HS2ST1: variants seen among roughly 807,000 people sequenced by gnomAD.
HS2ST1 encodes 2-O-sulfotransferase.
A neutral mutation model predicts 42.9 loss-of-function variants in HS2ST1; 18 were observed. The ratio of observed to expected loss-of-function variants is 0.42; its 90% CI spans 0.29 to 0.62. The LOEUF is 0.62. Among genes scored for constraint, HS2ST1 ranks in the 20% least tolerant of loss-of-function variants. The probability of loss-of-function intolerance (pLI) is 0.21; values close to 1 mark genes in which losing one functional copy is unlikely to be tolerated. For missense variants in HS2ST1, 334 were observed against 433.8 expected, an observed-to-expected ratio of 0.77 and a Z score of 2.04; for synonymous variants, 146 against 152.9, an observed-to-expected ratio of 0.95 and a Z score of 0.33.
intron 1 of HS2ST1, among the ~76,000 whole-genome samples, chr1:87,006,610 G>T (rs1649442971): frequency 6.6e-6 from 1 of 152,088 alleles, no homozygotes; most frequent in African/African-American, 2.4e-5. Flanking sequence ...AATTCTGAAT[G>T]AAATAAATTG....
At chr1:87,001,691 A>G (rs1459089865) in intron 1 of HS2ST1, among the ~76,000 whole-genome samples, 1 of 152,162 alleles carries the variant, frequency 6.6e-6, no homozygotes, top group African/African-American at 2.4e-5. Flanking sequence ...TTGGCTCACC[A>G]CAATCTCCGC....
chr1:87,049,954 G>T (rs908148840), intron 1 of HS2ST1, among the ~76,000 whole-genome samples: 14 of 151,944 alleles, frequency 9.2e-5, no homozygotes, highest in Admixed American at 9.2e-4. Context: ...GTTTAGGATT[G>T]TTATGTCTTT....
At chr1:86,940,966 G>A (rs1660747901) in intron 1 of HS2ST1, among the ~76,000 whole-genome samples, 1 of 152,174 alleles carries the variant, frequency 6.6e-6, no homozygotes, top group South Asian at 2.1e-4. Context: ...CAGCATGGGT[G>A]ACAGAACAAG....
intron 1 of HS2ST1, among the ~76,000 whole-genome samples, chr1:87,023,386 A>G (rs1201650948): frequency 6.6e-6 from 1 of 151,954 alleles, no homozygotes; most frequent in Admixed American, 6.6e-5. Flanking sequence ...GTTCTGGTTC[A>G]TGCATTCTGA....
intron 6 of HS2ST1, 70 bp downstream of exon 6, chr1:87,103,659 T>A: frequency 4.6e-6 from 6 of 1,310,808 alleles, no homozygotes; most frequent in Non-Finnish European, 6.1e-6. Flanking sequence ...CTTGTAAATA[T>A]GTGATTTGAA....
chr1:86,970,668 G>A (rs11161913), intron 1 of HS2ST1, among the ~76,000 whole-genome samples: 149,912 of 152,340 alleles, frequency 0.98, 73,809 homozygotes, highest in Middle Eastern at 1. Context: ...TGCTGGGATT[G>A]CAGGCATGAG....
At chr1:87,057,295 T>G (rs962057301) in intron 1 of HS2ST1, among the ~76,000 whole-genome samples, 1 of 152,164 alleles carries the variant, frequency 6.6e-6, no homozygotes, top group Non-Finnish European at 1.5e-5. Flanking sequence ...AATCTTTAAG[T>G]GTATAAAAGG....
chr1:87,084,135 C>T, intron 2 of HS2ST1, 59 bp from the exon 3 acceptor site: 2 of 1,055,228 alleles, frequency 1.9e-6, no homozygotes, highest in East Asian at 2.6e-5. Context: ...AAATATTTTG[C>T]TATCATCAAA....
At chr1:87,098,884 A>G (rs1010674289) in intron 5 of HS2ST1, among the ~76,000 whole-genome samples, 2 of 152,078 alleles carry the variant, frequency 1.3e-5, no homozygotes, top group Non-Finnish European at 2.9e-5. Flanking sequence ...TGGGTTCACA[A>G]TTCTTCTGTC....
Position 87,107,237 on chromosome 1 carries a change from T to A in HS2ST1, c.*2541T>A, listed in dbSNP as rs1196369384. The A allele has an allele frequency of 1.3e-5, 2 of 152,082 alleles. No homozygotes were observed. The highest frequency in any genetic ancestry group is 4.8e-5 in the African/African-American group (2 of 41,452). The allele number at this position is 152,082 out of a possible 1,614,324, so 9.4% of individuals were successfully genotyped here. ...CCTAACTTATATCCAAAGAATTGCTTTCTGATTCGTGTAGTCTCTCCCACA... is the reference window on the plus strand; with the variant it reads ...CCTAACTTATATCCAAAGAATTGCTATCTGATTCGTGTAGTCTCTCCCACA... On this transcript the variant is annotated 3_prime_UTR_variant, in exon 7 of 7. Coordinates refer to ENST00000370550, the MANE Select transcript of HS2ST1 (RefSeq NM_012262.4).
At chr1:87,009,327 C>T (rs2100576429) in intron 1 of HS2ST1, among the ~76,000 whole-genome samples, 1 of 152,268 alleles carries the variant, frequency 6.6e-6, no homozygotes, top group African/African-American at 2.4e-5. Context: ...GAAAGGTGAA[C>T]AGGCTCAAAT....
intron 4 of HS2ST1, 40 bp from the exon 5 acceptor site, chr1:87,097,797 TG>T: frequency 6.2e-7 from 1 of 1,611,402 alleles, no homozygotes; most frequent in Non-Finnish European, 8.5e-7. Context: ...AGGTGAGACT[TG>T]GATTTATGGC....
intron 5 of HS2ST1, 197 bp downstream of exon 5, chr1:87,098,132 AT>A (rs990247890): frequency 1.6e-6 from 2 of 1,218,688 alleles, no homozygotes; most frequent in South Asian, 2.2e-5. Context: ...ATATCCTAAT[AT>A]CCTTGCATTG....
At chr1:86,964,159 C>T (rs1046087994) in intron 1 of HS2ST1, among the ~76,000 whole-genome samples, 6 of 151,758 alleles carry the variant, frequency 4.0e-5, no homozygotes, top group African/African-American at 1.2e-4. Context: ...GACGGGATGG[C>T]GGCCGGGAAG....
chr1:86,934,207 C>A (rs945478620), intron 1 of HS2ST1, among the ~76,000 whole-genome samples: 1 of 152,158 alleles, frequency 6.6e-6, no homozygotes, highest in African/African-American at 2.4e-5. Context: ...GAATGTGAAA[C>A]CTCGGATGAG....
chr1:87,096,377 A>G (rs1379143447), intron 4 of HS2ST1, among the ~76,000 whole-genome samples: 2 of 152,214 alleles, frequency 1.3e-5, no homozygotes, highest in African/African-American at 4.8e-5. Context: ...AGTTATGTGG[A>G]CTTTTCAAAT....
intron 1 of HS2ST1, among the ~76,000 whole-genome samples, chr1:86,971,691 C>T (rs1648238135): frequency 6.6e-6 from 1 of 152,112 alleles, no homozygotes; most frequent in Non-Finnish European, 1.5e-5. Context: ...ATATATACTG[C>T]ATTATGTTTG....
chr1:87,079,585 AATCGGCCAC>A (rs1248733563), intron 2 of HS2ST1, among the ~76,000 whole-genome samples: 1 of 152,212 alleles, frequency 6.6e-6, no homozygotes, highest in African/African-American at 2.4e-5. Context: ...GTAAATTTTA[AATCGGCCAC>A]AGCTATGTTA....
chr1:87,054,448 C>G (rs145555930), intron 1 of HS2ST1, among the ~76,000 whole-genome samples: 66 of 152,226 alleles, frequency 4.3e-4, no homozygotes, highest in Middle Eastern at 3.4e-3. Flanking sequence ...AGTATGGGAG[C>G]CTTCATGGTG....
Sources: allele counts gnomAD v4.1 joint callset (sites outside exome capture counted in the v4.1 genomes callset), GRCh38; gene constraint gnomAD v4.1.1; transcripts MANE v1.5; gene names NCBI Gene and HGNC (gene_info 2026-07-23, HGNC 2026-07-21).